The following CTPS2 variants were observed in gnomAD, a reference collection of about 807,000 sequenced individuals.
CTPS2 encodes the protein CTP synthase 2, also known as CTP synthase II.
A neutral mutation model predicts 46.8 loss-of-function variants in CTPS2; 19 were observed. That is an observed-to-expected ratio of 0.41 (90% CI 0.28 to 0.60). The LOEUF is 0.60. Ranked by LOEUF, CTPS2 falls within the 20% of genes least tolerant of loss-of-function variation. The pLI, the probability that CTPS2 is intolerant of heterozygous loss-of-function variation, is 0.35. For missense variants in CTPS2, 286 were observed against 447.6 expected, an observed-to-expected ratio of 0.64 and a Z score of 3.26; for synonymous variants, 151 against 165.2, an observed-to-expected ratio of 0.91 and a Z score of 0.66.
chrX:16,678,893 T>A lies in CTPS2; in HGVS notation c.1006-443A>T, dbSNP rs189376056. Among the ~76,000 whole-genome samples, 6 of 109,129 alleles carry A rather than the reference T, an allele frequency of 5.5e-5. No individual in the cohort carries two copies. In the East Asian group the frequency reaches 1.4e-3, roughly 26 times the overall value. 94.8% of individuals were successfully genotyped at this position (109,129 alleles called of 115,157 possible). A position where few individuals can be genotyped will look rare whatever the true frequency, so the allele number is the denominator to read the frequency against. ...AAAAAAAATTTAAAAAAAAAGCAAC[T>A]AGGACGTCACTAGAACTGAACACTG... On this transcript the variant is annotated intron_variant, in intron 9 of 18. Coordinates refer to ENST00000359276, the MANE Select transcript of CTPS2 (RefSeq NM_175859.3).
chrX:16,681,482 G>C (rs761596373), intron 9 of CTPS2, among the ~76,000 whole-genome samples: 1 of 111,866 alleles, frequency 8.9e-6, no homozygotes, highest in South Asian at 3.7e-4. Context: ...TATCCAACTG[G>C]TAACAAGTGG....
intron 1 of CTPS2, among the ~76,000 whole-genome samples, chrX:16,709,608 T>C (rs1368773157): frequency 1.8e-5 from 2 of 110,817 alleles, no homozygotes; most frequent in South Asian, 3.7e-4. Flanking sequence ...CCCAACACTT[T>C]GGGAGGCCAA....
intron 8 of CTPS2, among the ~76,000 whole-genome samples, chrX:16,688,144 C>G (rs763727171): frequency 9.0e-6 from 1 of 111,485 alleles, no homozygotes; most frequent in Non-Finnish European, 1.9e-5. Context: ...ACACCTGTAA[C>G]CCCAGCACTT....
At chrX:16,673,176 G>A (rs760936760) in intron 10 of CTPS2, among the ~76,000 whole-genome samples, 4 of 110,806 alleles carry the variant, frequency 3.6e-5, no homozygotes, top group East Asian at 2.8e-4. Context: ...GTGAGCCACC[G>A]CGCCCGGCCG....
rs753451759 is a variant in CTPS2 at position 16,694,625 on chromosome X, G to A, written c.439-1138C>T. Reference sequence around the variant, plus strand: ...GCACTGGAGGTTTAGTTTAGTAGTCGGGCCAGGACAGAAAGGTCCTGAAAT... The same window carrying A: ...GCACTGGAGGTTTAGTTTAGTAGTCAGGCCAGGACAGAAAGGTCCTGAAAT... On this transcript the variant is annotated intron_variant, in intron 4 of 18. Coordinates refer to ENST00000359276, the MANE Select transcript of CTPS2 (RefSeq NM_175859.3). 2.6e-4 allele frequency among the ~76,000 whole-genome samples: 29 copies of A among 112,591 alleles called. No individual in the cohort carries two copies. The South Asian group carries it at 3.6e-3, about 14-fold the overall frequency.
At chrX:16,660,412 TATTA>T (rs1932918002) in intron 13 of CTPS2, among the ~76,000 whole-genome samples, 1 of 80,091 alleles carries the variant, frequency 1.2e-5, no homozygotes, top group Non-Finnish European at 2.5e-5. Flanking sequence ...ATTATTTATT[TATTA>T]TTTTTTGAGA....
At chrX:16,638,249 T>C (rs1425536620) in intron 14 of CTPS2, among the ~76,000 whole-genome samples, 5 of 101,570 alleles carry the variant, frequency 4.9e-5, no homozygotes, top group South Asian at 9.6e-4. Context: ...AGCGAGACTC[T>C]GTCTCAAAAA....
intron 14 of CTPS2, among the ~76,000 whole-genome samples, chrX:16,636,740 C>T (rs1462632225): frequency 1.8e-5 from 2 of 110,211 alleles, no homozygotes; most frequent in African/African-American, 3.3e-5. Context: ...CCGGCTAACA[C>T]GGTGAAACCC....
At chrX:16,596,017 T>G (rs1052468322) in intron 17 of CTPS2, among the ~76,000 whole-genome samples, 2 of 110,894 alleles carry the variant, frequency 1.8e-5, no homozygotes, top group African/African-American at 6.6e-5. Context: ...TACAGGCACA[T>G]GCCACCGTGC....
In CTPS2 at chrX:16,699,182, A is replaced by G; in HGVS notation, c.167-89T>C. 7 of 661,384 alleles carry G rather than the reference A, an allele frequency of 1.1e-5. No homozygotes were observed. In the Admixed American group the frequency reaches 1.8e-4, roughly 17 times the overall value. The allele number at this position is 661,384 out of a possible 1,213,427, so 54.5% of individuals were successfully genotyped here. On this transcript the variant is annotated intron_variant, in intron 2 of 18. Coordinates refer to ENST00000359276, the MANE Select transcript of CTPS2 (RefSeq NM_175859.3). ...CATATTTTTGTTAAAAAGCTGGTAA[A>G]AGATGTATTTGTAAGCCATATTCTA... is the stretch of plus-strand genomic sequence containing the variant.
In CTPS2 at chrX:16,589,212, T is replaced by C. The variant is rs1055777576; in HGVS notation, c.*605A>G. On this transcript the variant is annotated 3_prime_UTR_variant, in exon 19 of 19. Transcript: ENST00000359276. ...CATTTCACATAAGGGATACTCAGAC[T>C]GTATTGCTGATCTTGATTCCTGAGT... 1 of 112,164 alleles carries C rather than the reference T, an allele frequency of 8.9e-6. No individual in the cohort carries two copies. The highest frequency in any genetic ancestry group is 3.2e-5 in the African/African-American group (1 of 30,889). 9.2% of individuals were successfully genotyped at this position (112,164 alleles called of 1,213,427 possible).
chrX:16,637,129 G>A (rs1931795312), intron 14 of CTPS2, among the ~76,000 whole-genome samples: 1 of 111,730 alleles, frequency 9.0e-6, no homozygotes, highest in Non-Finnish European at 1.9e-5. Flanking sequence ...TTGAGACGGA[G>A]TCTCACTATG....
At chrX:16,610,343 T>C (rs1569193704) in intron 16 of CTPS2, among the ~76,000 whole-genome samples, 1 of 111,194 alleles carries the variant, frequency 9.0e-6, no homozygotes, top group Non-Finnish European at 1.9e-5. Flanking sequence ...AATATAACTT[T>C]AAAGCTTTCA....
chrX:16,668,025 A>G (rs1921345469), intron 11 of CTPS2, among the ~76,000 whole-genome samples: 1 of 109,912 alleles, frequency 9.1e-6, no homozygotes, highest in South Asian at 4.0e-4. Flanking sequence ...CACTTTGGAA[A>G]GCCAAAGTGA....
At chrX:16,664,319 G>A (rs746005669) in intron 13 of CTPS2, among the ~76,000 whole-genome samples, 104 of 112,071 alleles carry the variant, frequency 9.3e-4, no homozygotes, top group African/African-American at 3.3e-3. Context: ...TATTAGTCAG[G>A]AAATATGTTT....
At chrX:16,692,281 AACACAC>A (rs776817822) in intron 6 of CTPS2, among the ~76,000 whole-genome samples, 1 of 106,113 alleles carries the variant, frequency 9.4e-6, no homozygotes, top group South Asian at 4.1e-4. Context: ...TGTCTCTACA[AACACAC>A]ACACACACAC....
At chrX:16,628,145 C>G (rs112404848) in intron 14 of CTPS2, among the ~76,000 whole-genome samples, 1,447 of 111,226 alleles carry the variant, frequency 0.013, 20 homozygotes, top group African/African-American at 0.044. Flanking sequence ...TCCTATATTT[C>G]TCCTTTATTT....
intron 11 of CTPS2, among the ~76,000 whole-genome samples, chrX:16,668,327 C>T (rs765627891): frequency 5.6e-5 from 6 of 106,253 alleles, no homozygotes; most frequent in African/African-American, 1.0e-4. Context: ...GTAATCCCAG[C>T]GCTTTGGGAG....
intron 14 of CTPS2, among the ~76,000 whole-genome samples, chrX:16,634,688 C>T (rs753264347): frequency 8.0e-5 from 9 of 112,183 alleles, no homozygotes; most frequent in Non-Finnish European, 1.3e-4. Flanking sequence ...GTAGCTCACG[C>T]CCATAATCCC....
Sources: gnomAD v4.1 joint callset for allele counts (sites outside exome capture counted in the v4.1 genomes callset) on GRCh38, gnomAD v4.1.1 for gene constraint, MANE v1.5 for transcripts, NCBI Gene and HGNC (gene_info 2026-07-23, HGNC 2026-07-21) for gene names.